PIAS2: variants seen among roughly 807,000 people sequenced by gnomAD.
The protein encoded by PIAS2 is protein inhibitor of activated STAT 2, also known as E3 SUMO-protein ligase PIAS2.
PIAS2 carries 19 observed loss-of-function variants against 69.7 expected under a neutral mutation model. That is an observed-to-expected ratio of 0.27 (90% CI 0.19 to 0.40). PIAS2 has a LOEUF of 0.40. PIAS2 is among the 10% of genes least tolerant of loss of function. The probability of loss-of-function intolerance (pLI) is 1.00; values close to 1 mark genes in which losing one functional copy is unlikely to be tolerated. For synonymous variants in PIAS2, 261 were observed against 263.2 expected, an observed-to-expected ratio of 0.99 and a Z score of 0.08; for missense variants, 624 against 757.0, an observed-to-expected ratio of 0.82 and a Z score of 2.06.
rs369491603 is a variant in PIAS2 at position 46,862,241 on chromosome 18, G to A, written c.584+1923C>T. On this transcript the variant is annotated intron_variant, in intron 3 of 13. Coordinates refer to ENST00000585916, the MANE Select transcript of PIAS2 (RefSeq NM_004671.5). Reference sequence around the variant, plus strand: ...AGCTACTCAAGAGGCTGAGGCAGGAGAATCGCCTGAAACCGGGAGGTGGAG... The same window carrying A: ...AGCTACTCAAGAGGCTGAGGCAGGAAAATCGCCTGAAACCGGGAGGTGGAG... Among the ~76,000 whole-genome samples, 6 of 152,252 alleles carry A rather than the reference G, an allele frequency of 3.9e-5. 1 individual carries two copies. Among genetic ancestry groups the A allele is most frequent in the African/African-American group, 1.4e-4 (6 of 41,556 alleles).
At chr18:46,893,981 C>T (rs1369483315) in intron 1 of PIAS2, among the ~76,000 whole-genome samples, 2 of 152,000 alleles carry the variant, frequency 1.3e-5, no homozygotes, top group African/African-American at 4.8e-5. Flanking sequence ...CAAAAATTAG[C>T]CAGGCTTGGT....
At chr18:46,827,354 G>A (rs2042970222) in intron 11 of PIAS2, 1 of 152,026 alleles carries the variant, frequency 6.6e-6, no homozygotes, top group African/African-American at 2.4e-5. Flanking sequence ...GAGAATCCAC[G>A]CTAAAATTCA....
At position 46,804,787 on chromosome 18, in the gene PIAS2, G is replaced by T. The variant is rs1016085457; in HGVS notation, c.*7646C>A. The T allele has an allele frequency of 1.3e-5, 2 of 152,180 alleles. No individual in the cohort carries two copies. The highest frequency in any genetic ancestry group is 2.9e-5 in the Non-Finnish European group (2 of 68,052). 9.4% of individuals were successfully genotyped at this position (152,180 alleles called of 1,614,324 possible). ...GTTGACGCTATTGGAGCACAACTTT[G>T]GTGGGGGCAGGATCCTGCCTTGTGT... On this transcript the variant is annotated 3_prime_UTR_variant, in exon 14 of 14. Transcript: ENST00000585916.
rs1314869529 is a variant in PIAS2 at position 46,834,090 on chromosome 18, CAT to C, written c.1202+2265_1202+2266del. ...CCATTTTTAGACCTAGTATCTGACA[CAT>C]GATAGGTATTTAGTAAGTACTGTGT... On this transcript the variant is annotated intron_variant, in intron 9 of 13. Transcript: ENST00000585916. Among the ~76,000 whole-genome samples the C allele has an allele frequency of 1.1e-4, 16 of 152,100 alleles. No individual in the cohort carries two copies. In the South Asian group the frequency reaches 2.3e-3, roughly 22 times the overall value.
At chr18:46,892,733 C>T (rs949897941) in intron 1 of PIAS2, among the ~76,000 whole-genome samples, 4 of 152,032 alleles carry the variant, frequency 2.6e-5, no homozygotes, top group Non-Finnish European at 4.4e-5. Context: ...GTGATCACAC[C>T]ACCATATTCC....
At chr18:46,902,891 G>C (rs2056098182) in intron 1 of PIAS2, among the ~76,000 whole-genome samples, 1 of 152,112 alleles carries the variant, frequency 6.6e-6, no homozygotes. Flanking sequence ...AGAGAATACA[G>C]AACCCAGAAA....
Position 46,893,428 on chromosome 18 carries a change from T to C in PIAS2, c.25-2374A>G. ...GACAAAACAAAGCACAAAGTCATCCTACCTAAGCTTGACTCTCAGAGGAAT... is the reference window on the plus strand; with the variant it reads ...GACAAAACAAAGCACAAAGTCATCCCACCTAAGCTTGACTCTCAGAGGAAT... On this transcript the variant is annotated intron_variant, in intron 1 of 13. Transcript: ENST00000585916. 3 of 968,710 alleles carry C rather than the reference T, an allele frequency of 3.1e-6. No homozygotes were observed. The South Asian group carries it at 1.4e-4, about 46-fold the overall frequency. 60.0% of individuals were successfully genotyped at this position (968,710 alleles called of 1,614,324 possible). A position where few individuals can be genotyped will look rare whatever the true frequency, so the allele number is the denominator to read the frequency against.
chr18:46,907,347 G>A (rs949527652), intron 1 of PIAS2, among the ~76,000 whole-genome samples: 2 of 152,136 alleles, frequency 1.3e-5, no homozygotes, highest in African/African-American at 4.8e-5. Flanking sequence ...ACTTATTAGG[G>A]AGATGCAAAT....
At chr18:46,864,389 A>C in intron 2 of PIAS2, 141 bp from the exon 3 acceptor site, 1 of 600,504 alleles carries the variant, frequency 1.7e-6, no homozygotes, top group Non-Finnish European at 2.9e-6. Context: ...ATCAGGAAGT[A>C]CTAAACTGCA....
At chr18:46,886,461 A>G (rs2053202144) in intron 2 of PIAS2, among the ~76,000 whole-genome samples, 1 of 152,258 alleles carries the variant, frequency 6.6e-6, no homozygotes, top group Non-Finnish European at 1.5e-5. Context: ...CGTTAACCAG[A>G]TAAATCAACT....
chr18:46,875,214 T>C (rs2050974482), intron 2 of PIAS2, among the ~76,000 whole-genome samples: 1 of 152,184 alleles, frequency 6.6e-6, no homozygotes, highest in Admixed American at 6.5e-5. Flanking sequence ...ATGTCCGTAC[T>C]GTAGTGAGTC....
At chr18:46,825,028 G>T (rs558847594) in intron 11 of PIAS2, among the ~76,000 whole-genome samples, 65 of 151,516 alleles carry the variant, frequency 4.3e-4, no homozygotes, top group African/African-American at 1.2e-3. Flanking sequence ...AAAAATAGTT[G>T]CTCACATAAT....
intron 2 of PIAS2, 91 bp downstream of exon 2, chr18:46,890,489 T>C (rs1598875000): frequency 1.2e-6 from 1 of 811,318 alleles, no homozygotes; most frequent in East Asian, 2.6e-5. Flanking sequence ...TCAATTTCAC[T>C]ATATTAACAG....
chr18:46,878,690 G>A (rs567096465), intron 2 of PIAS2, among the ~76,000 whole-genome samples: 2 of 152,268 alleles, frequency 1.3e-5, no homozygotes, highest in African/African-American at 4.8e-5. Flanking sequence ...CCAACATGGC[G>A]AAACCCCGTC....
intron 2 of PIAS2, among the ~76,000 whole-genome samples, chr18:46,874,663 G>A (rs1378543703): frequency 2.0e-5 from 3 of 152,106 alleles, no homozygotes; most frequent in Non-Finnish European, 2.9e-5. Context: ...AATGCTATAC[G>A]GGTTGCCTTA....
intron 1 of PIAS2, chr18:46,907,726 G>T (rs568994253): frequency 6.6e-6 from 1 of 152,112 alleles, no homozygotes; most frequent in South Asian, 2.1e-4. Context: ...CAAAAATATG[G>T]TATTTGCAGG....
intron 3 of PIAS2, among the ~76,000 whole-genome samples, chr18:46,857,767 G>A (rs1399289018): frequency 6.6e-6 from 1 of 152,184 alleles, no homozygotes; most frequent in Non-Finnish European, 1.5e-5. Flanking sequence ...AACATTATGA[G>A]TAATGACCAA....
chr18:46,857,228 A>T (rs906181812), intron 3 of PIAS2, among the ~76,000 whole-genome samples: 1 of 152,140 alleles, frequency 6.6e-6, no homozygotes, highest in Non-Finnish European at 1.5e-5. Context: ...CACTCCACTC[A>T]TTCATATCAA....
chr18:46,856,099 G>A (rs1272133222), intron 3 of PIAS2, among the ~76,000 whole-genome samples: 31 of 132,786 alleles, frequency 2.3e-4, no homozygotes, highest in African/African-American at 7.3e-4. Flanking sequence ...TCCGCCTCCC[G>A]GGTTCACGCC....
Sources: allele counts gnomAD v4.1 joint callset (sites outside exome capture counted in the v4.1 genomes callset), GRCh38; gene constraint gnomAD v4.1.1; transcripts MANE v1.5; gene names NCBI Gene and HGNC (gene_info 2026-07-23, HGNC 2026-07-21).